Variants in TFEC observed in about 807,000 individuals in gnomAD.
The protein encoded by TFEC is transcription factor EC.
A neutral mutation model predicts 41.6 loss-of-function variants in TFEC; 31 were observed. The observed-to-expected ratio is 0.74, with a 90% CI of 0.56 to 1.01. The LOEUF is 1.01. Ranked by LOEUF, TFEC falls within the 50% of genes least tolerant of loss-of-function variation. The pLI is 0.00. For synonymous variants in TFEC, 143 were observed against 140.6 expected (o/e 1.02, Z -0.12); for missense variants, 402 against 404.1 (o/e 0.99, Z 0.04).
chr7:116,140,279 A>G (rs971442794), intron 1 of TFEC, among the ~76,000 whole-genome samples: 11 of 152,244 alleles, frequency 7.2e-5, no homozygotes, highest in Non-Finnish European at 1.6e-4. Flanking sequence ...TGGCTCTGGA[A>G]GAGGGTCTAC....
intron 1 of TFEC, among the ~76,000 whole-genome samples, chr7:116,116,376 C>T (rs961461568): frequency 6.6e-6 from 1 of 151,642 alleles, no homozygotes; most frequent in Admixed American, 6.6e-5. Context: ...CCCCATAAAA[C>T]CAAACTAAAA....
chr7:116,046,679 T>C (rs1796173398), intron 3 of TFEC, among the ~76,000 whole-genome samples: 2 of 152,364 alleles, frequency 1.3e-5, no homozygotes, highest in South Asian at 4.1e-4. Flanking sequence ...TGATGCTTTA[T>C]ACTTGTTTTA....
chr7:116,145,075 G>T (rs1333233022), intron 1 of TFEC, among the ~76,000 whole-genome samples: 1 of 152,150 alleles, frequency 6.6e-6, no homozygotes, highest in African/African-American at 2.4e-5. Context: ...AAATAAAACT[G>T]TATTCTATAA....
Position 115,956,776 on chromosome 7 carries a change from C to A in TFEC, c.285G>T (p.Leu95Phe). The A allele has an allele frequency of 1.3e-6, 2 of 1,572,428 alleles. No homozygotes were observed. The highest frequency in any genetic ancestry group is 2.3e-5 in the East Asian group (1 of 43,344). Residue 95 changes from leucine (L) to phenylalanine (F), a missense_variant, in exon 4 of 8, where the codon TTG becomes TTT. Transcript: ENST00000265440. ...LMQRTLSGSILDVYSGEQGIS... is the reference protein window; with the variant it reads ...LMQRTLSGSIFDVYSGEQGIS... ...TTCCTTGTTCACCGCTATACACATC[C>A]AAAATACTTCCAGATAACTTGAGAG...
At chr7:115,986,929 A>C (rs1300142958) in intron 1 of TFEC, among the ~76,000 whole-genome samples, 1 of 151,890 alleles carries the variant, frequency 6.6e-6, no homozygotes, top group Non-Finnish European at 1.5e-5. Context: ...AAAAAAACAT[A>C]AAAAGAAAAT....
chr7:116,026,776 T>C (rs1795600649), intron 1 of TFEC, among the ~76,000 whole-genome samples: 1 of 152,206 alleles, frequency 6.6e-6, no homozygotes, highest in African/African-American at 2.4e-5. Flanking sequence ...AGGTTGAATA[T>C]GTCTACAGAA....
chr7:115,960,685 T>C (rs1792494938), intron 3 of TFEC, among the ~76,000 whole-genome samples: 1 of 151,520 alleles, frequency 6.6e-6, no homozygotes, highest in African/African-American at 2.4e-5. Flanking sequence ...ATATCAATAA[T>C]AATAATTGAT....
At chr7:116,030,592 T>C in intron 1 of TFEC, 41 bp downstream of exon 1, 1 of 982,960 alleles carries the variant, frequency 1.0e-6, no homozygotes. Flanking sequence ...TCCTAGTTTG[T>C]TTAAAGTACA....
intron 3 of TFEC, among the ~76,000 whole-genome samples, chr7:116,051,163 G>C (rs992002723): frequency 1.3e-5 from 2 of 152,168 alleles, no homozygotes; most frequent in Non-Finnish European, 2.9e-5. Context: ...TGGGGGAAGG[G>C]GGAGGGATAG....
At chr7:116,042,065 G>T in intron 3 of TFEC, among the ~76,000 whole-genome samples, 1 of 150,340 alleles carries the variant, frequency 6.7e-6, no homozygotes, top group South Asian at 2.1e-4. Context: ...TAATTTTAAA[G>T]AAAAAAAAAC....
chr7:115,954,587 G>T lies in TFEC; in HGVS notation c.438C>A (p.Leu146=). 1 of 1,610,704 alleles carries T rather than the reference G, an allele frequency of 6.2e-7. No individual in the cohort carries two copies. The highest frequency in any genetic ancestry group is 1.1e-5 in the South Asian group (1 of 90,732). Reference sequence around the variant, plus strand: ...TTATATGGAAAAATATATACTCACTGAGGTTGTGGTTGTCCTTTTTTTGTC... The same window carrying T: ...TTATATGGAAAAATATATACTCACTTAGGTTGTGGTTGTCCTTTTTTTGTC... ...KERQKKDNHN[L]IERRRRYNIN... The change falls in exon 5 of 8, where the codon CTC becomes CTA. Residue 146 remains leucine, a splice_region_variant and synonymous_variant. Coordinates refer to ENST00000265440, the MANE Select transcript of TFEC (RefSeq NM_012252.4).
chr7:115,988,251 C>T (rs1354045847), intron 1 of TFEC, among the ~76,000 whole-genome samples: 2 of 151,932 alleles, frequency 1.3e-5, no homozygotes, highest in African/African-American at 2.4e-5. Flanking sequence ...TCAGATATGG[C>T]ATGGAAGTTA....
At chr7:115,968,521 G>C (rs1279644411) in intron 3 of TFEC, among the ~76,000 whole-genome samples, 2 of 151,812 alleles carry the variant, frequency 1.3e-5, no homozygotes, top group Non-Finnish European at 2.9e-5. Context: ...ACAGACACTT[G>C]ATTGAAAAAA....
chr7:115,977,702 G>C (rs1002017391), intron 2 of TFEC, among the ~76,000 whole-genome samples: 4 of 151,998 alleles, frequency 2.6e-5, no homozygotes, highest in African/African-American at 9.7e-5. Flanking sequence ...CTAGATATAT[G>C]TAGAGAGAGA....
chr7:115,941,849 T>A, intron 7 of TFEC, 44 bp downstream of exon 7: 1 of 1,582,172 alleles, frequency 6.3e-7, no homozygotes, highest in Non-Finnish European at 8.6e-7. Flanking sequence ...GACAGCTGAG[T>A]CATGTGTAAG....
intron 3 of TFEC, among the ~76,000 whole-genome samples, chr7:116,108,944 C>A (rs1797783142): frequency 6.6e-6 from 1 of 152,012 alleles, no homozygotes; most frequent in Non-Finnish European, 1.5e-5. Flanking sequence ...ACAGTCCTTC[C>A]CAAACCTGAC....
At chr7:116,117,327 G>A (rs2116169092) in intron 1 of TFEC, among the ~76,000 whole-genome samples, 1 of 151,906 alleles carries the variant, frequency 6.6e-6, no homozygotes, top group South Asian at 2.1e-4. Flanking sequence ...GCAGCTGATG[G>A]CATTTATTAC....
intron 3 of TFEC, among the ~76,000 whole-genome samples, chr7:116,040,875 A>C (rs1399072172): frequency 6.6e-6 from 1 of 152,218 alleles, no homozygotes; most frequent in African/African-American, 2.4e-5. Flanking sequence ...GAATAACATT[A>C]GATTATTCGC....
chr7:116,136,480 T>C (rs1798435321), intron 1 of TFEC, among the ~76,000 whole-genome samples: 1 of 152,114 alleles, frequency 6.6e-6, no homozygotes, highest in South Asian at 2.1e-4. Context: ...GATTCTTTCT[T>C]CATCATGAAA....
Sources: gnomAD v4.1 joint callset for allele counts (sites outside exome capture counted in the v4.1 genomes callset) on GRCh38, gnomAD v4.1.1 for gene constraint, MANE v1.5 for transcripts, NCBI Gene and HGNC (gene_info 2026-07-23, HGNC 2026-07-21) for gene names.